Variants in POLR3B observed in about 807,000 individuals in gnomAD.
The protein encoded by POLR3B is DNA-directed RNA polymerase III subunit RPC2.
Under a neutral mutation model 147.4 loss-of-function variants are expected in POLR3B, and 96 were observed. That is an observed-to-expected ratio of 0.65 (90% CI 0.55 to 0.77). The LOEUF is 0.77. POLR3B is among the 30% of genes least tolerant of loss of function. The pLI is 0.00. For synonymous variants in POLR3B, 461 were observed against 485.9 expected, an observed-to-expected ratio of 0.95 and a Z score of 0.67; for missense variants, 1,036 against 1,413.5, an observed-to-expected ratio of 0.73 and a Z score of 4.28.
intron 10 of POLR3B, among the ~76,000 whole-genome samples, chr12:106,393,767 TACACACACACACACAC>T (rs34402190): frequency 7.8e-6 from 1 of 127,910 alleles, no homozygotes; most frequent in Non-Finnish European, 1.7e-5. Context: ...GACTGAGAAA[TACACACACACACACAC>T]ACACACACAC....
At chr12:106,463,723 G>A (rs1386967362) in intron 23 of POLR3B, 103 bp downstream of exon 23, 23 of 881,648 alleles carry the variant, frequency 2.6e-5, no homozygotes, top group Non-Finnish European at 4.0e-5. Flanking sequence ...CTTTGGAAAA[G>A]TATTACATTG....
At chr12:106,497,177 G>A (rs534542749) in intron 25 of POLR3B, among the ~76,000 whole-genome samples, 11 of 149,916 alleles carry the variant, frequency 7.3e-5, no homozygotes, top group South Asian at 2.2e-4. Flanking sequence ...TTGTGTTAGC[G>A]TATTTTATGT....
intron 4 of POLR3B, among the ~76,000 whole-genome samples, chr12:106,368,894 GTTT>G (rs11341760): frequency 0.012 from 1,762 of 151,456 alleles, 34 homozygotes; most frequent in African/African-American, 0.04. Context: ...ACAAATGAGC[GTTT>G]TTTTTTTGTT....
At chr12:106,444,009 G>A (rs2037689603) in intron 18 of POLR3B, among the ~76,000 whole-genome samples, 3 of 151,176 alleles carry the variant, frequency 2.0e-5, no homozygotes. Flanking sequence ...TTTTAATAGA[G>A]ACAGGGTTTC....
In POLR3B at chr12:106,357,757, T is replaced by TA; in HGVS notation, c.-121dup. The TA allele has an allele frequency of 5.1e-6, 5 of 985,116 alleles. No individual in the cohort carries two copies. The South Asian group carries it at 6.9e-5, about 14-fold the overall frequency. The allele number at this position is 985,116 out of a possible 1,614,324, so 61.0% of individuals were successfully genotyped here. A position where few individuals can be genotyped will look rare whatever the true frequency, so the allele number is the denominator to read the frequency against. On this transcript the variant is annotated 5_prime_UTR_variant, in exon 1 of 28. Coordinates refer to ENST00000228347, the MANE Select transcript of POLR3B (RefSeq NM_018082.6). ...GGAACCTTTCTACCGCGTCTCTAGC[T>TA]AACACGCACGGCGGGGACAGTTTAG... is the stretch of plus-strand genomic sequence containing the variant.
chr12:106,456,290 A>G (rs983704699), intron 20 of POLR3B, among the ~76,000 whole-genome samples: 4 of 151,888 alleles, frequency 2.6e-5, no homozygotes, highest in Admixed American at 6.6e-5. Flanking sequence ...GCCCCACCCA[A>G]AGGTTTTTCT....
At chr12:106,401,571 C>T (rs1009329183) in intron 10 of POLR3B, among the ~76,000 whole-genome samples, 42 of 152,262 alleles carry the variant, frequency 2.8e-4, no homozygotes, top group African/African-American at 9.6e-4. Context: ...CATTAAAATA[C>T]TGGCAAACCG....
At chr12:106,360,017 TC>T (rs1166769611) in intron 1 of POLR3B, among the ~76,000 whole-genome samples, 3 of 152,192 alleles carry the variant, frequency 2.0e-5, no homozygotes, top group Non-Finnish European at 2.9e-5. Flanking sequence ...CAGTTCCTCT[TC>T]CTGCACTCTG....
chr12:106,429,723 A>G (rs2037483570), intron 13 of POLR3B, among the ~76,000 whole-genome samples: 1 of 152,164 alleles, frequency 6.6e-6, no homozygotes, highest in Non-Finnish European at 1.5e-5. Flanking sequence ...CTATTTTTAG[A>G]TTCCTTAAAC....
At chr12:106,487,908 G>T (rs1006253080) in intron 23 of POLR3B, among the ~76,000 whole-genome samples, 17 of 152,200 alleles carry the variant, frequency 1.1e-4, no homozygotes, top group African/African-American at 3.9e-4. Context: ...CATCAGTGCT[G>T]CATGATAAGC....
chr12:106,508,404 T>C (rs918393134), intron 27 of POLR3B, among the ~76,000 whole-genome samples: 1 of 152,196 alleles, frequency 6.6e-6, no homozygotes, highest in Non-Finnish European at 1.5e-5. Flanking sequence ...CAGCACCCGA[T>C]CTTCCAAGCC....
At chr12:106,446,478 GTTTGGTTAGT>G (rs2037726980) in intron 19 of POLR3B, among the ~76,000 whole-genome samples, 1 of 150,042 alleles carries the variant, frequency 6.7e-6, no homozygotes, top group African/African-American at 2.5e-5. Flanking sequence ...TATCTGAAAC[GTTTGGTTAGT>G]TACCACACAC....
intron 25 of POLR3B, among the ~76,000 whole-genome samples, chr12:106,498,934 A>G (rs1191408074): frequency 6.6e-6 from 1 of 152,242 alleles, no homozygotes; most frequent in Non-Finnish European, 1.5e-5. Context: ...AAGCAAATGT[A>G]AGAACAGAGC....
At position 106,366,715 on chromosome 12, in the gene POLR3B, T is replaced by A; in HGVS notation, c.220T>A (p.Tyr74Asn). The A allele has an allele frequency of 6.2e-7, 1 of 1,610,632 alleles. No individual in the cohort carries two copies. Among genetic ancestry groups the A allele is most frequent in the Non-Finnish European group, 8.5e-7 (1 of 1,176,884 alleles). ...KVTSDADPMW[Y>N]LKYLNIYVGL... ...TACAAGTGACGCTGACCCTATGTGGTACTTAAAGTAAGGAACCAACATTCT... is the reference window on the plus strand; with the variant it reads ...TACAAGTGACGCTGACCCTATGTGGAACTTAAAGTAAGGAACCAACATTCT... Residue 74 changes from tyrosine to asparagine, a missense_variant, in exon 4 of 28, where the codon TAC (tyrosine) becomes AAC (asparagine). Physicochemically the swap from Tyr to Asn is moderately radical, Grantham distance 143. Around this residue, in one of 12 missense-constraint regions of POLR3B, gnomAD observed 150 missense variants for 145.5 expected, o/e 1.03. Coordinates refer to ENST00000228347, the MANE Select transcript of POLR3B (RefSeq NM_018082.6).
rs2037596782 is a variant in POLR3B, at chr12:106,437,752, T to C, written c.1928T>C (p.Ile643Thr). 2 of 1,595,660 alleles carry C rather than the reference T, an allele frequency of 1.3e-6. No individual in the cohort carries two copies. Among genetic ancestry groups the C allele is most frequent in the Non-Finnish European group, 1.7e-6 (2 of 1,163,462 alleles). ...LDVNEENDCN[I>T]ALYEHTINKD... Reference sequence around the variant, plus strand: ...GTGAATGAAGAAAATGATTGTAACATTGCACTGTACGAACACACAATTAAT... The same window carrying C: ...GTGAATGAAGAAAATGATTGTAACACTGCACTGTACGAACACACAATTAAT... The change falls in exon 18 of 28, where the codon ATT (isoleucine) becomes ACT (threonine). Residue 643 changes from isoleucine (I) to threonine (T), a missense_variant. Physicochemically the swap from Ile to Thr is moderately conservative, Grantham distance 89 (BLOSUM62 -1). Around this residue, in one of 12 missense-constraint regions of POLR3B, gnomAD observed 177 missense variants for 232.7 expected, o/e 0.76. Coordinates refer to ENST00000228347, the MANE Select transcript of POLR3B (RefSeq NM_018082.6).
intron 19 of POLR3B, among the ~76,000 whole-genome samples, chr12:106,448,236 A>G (rs1214457637): frequency 6.6e-6 from 1 of 152,068 alleles, no homozygotes; most frequent in Non-Finnish European, 1.5e-5. Context: ...AATGTTAGCG[A>G]TGAATATATA....
chr12:106,361,976 C>T (rs2036476154), intron 1 of POLR3B, among the ~76,000 whole-genome samples: 1 of 151,916 alleles, frequency 6.6e-6, no homozygotes, highest in African/African-American at 2.4e-5. Context: ...GCAGGTAGGT[C>T]AGAGTCCTGA....
intron 6 of POLR3B, among the ~76,000 whole-genome samples, chr12:106,369,958 G>A (rs1355396700): frequency 6.6e-6 from 1 of 152,042 alleles, no homozygotes; most frequent in Non-Finnish European, 1.5e-5. Flanking sequence ...TAGCCTTTCA[G>A]TGAACTCTCC....
intron 23 of POLR3B, among the ~76,000 whole-genome samples, chr12:106,493,891 T>G (rs1170777986): frequency 6.6e-6 from 1 of 152,166 alleles, no homozygotes; most frequent in African/African-American, 2.4e-5. Context: ...TATAAAAGGG[T>G]TTTCAGGGCC....
Sources: gnomAD v4.1 joint callset for allele counts (sites outside exome capture counted in the v4.1 genomes callset) on GRCh38, gnomAD v4.1.1 for gene constraint, gnomAD v4.1.1 regional missense constraint, MANE v1.5 for transcripts, NCBI Gene and HGNC (gene_info 2026-07-23, HGNC 2026-07-21) for gene names.